RASA3: variants seen among roughly 807,000 people sequenced by gnomAD.
The protein encoded by RASA3 is RAS p21 protein activator 3, also known as ras GTPase-activating protein 3.
A neutral mutation model predicts 110.0 loss-of-function variants in RASA3; 73 were observed. That is an observed-to-expected ratio of 0.66 (90% CI 0.55 to 0.81). The LOEUF (loss-of-function observed/expected upper bound fraction) is 0.81, where lower values mean the gene tolerates loss of function less well. Among genes scored for constraint, RASA3 ranks in the 30% least tolerant of loss-of-function variants. The pLI is 0.00. For missense variants in RASA3, 976 were observed against 1,113.2 expected, an observed-to-expected ratio of 0.88 and a Z score of 1.75; for synonymous variants, 500 against 451.4, an observed-to-expected ratio of 1.11 and a Z score of -1.37.
intron 2 of RASA3, among the ~76,000 whole-genome samples, chr13:114,073,484 C>T (rs978104632): frequency 7.2e-6 from 1 of 138,618 alleles, no homozygotes; most frequent in South Asian, 2.5e-4. Flanking sequence ...ATGCTTGGGA[C>T]ACTGTCTACA....
intron 4 of RASA3, among the ~76,000 whole-genome samples, chr13:114,033,714 G>C (rs1239547580): frequency 6.6e-6 from 1 of 152,238 alleles, no homozygotes; most frequent in Admixed American, 6.5e-5. Flanking sequence ...GCGCTCACAG[G>C]GGGAATGGAA....
chr13:114,040,936 G>A, intron 4 of RASA3, 64 bp downstream of exon 4: 1 of 1,484,824 alleles, frequency 6.7e-7, no homozygotes, highest in Non-Finnish European at 9.4e-7. Flanking sequence ...TCGGAGCCGG[G>A]CCCGTCTCGA....
intron 2 of RASA3, among the ~76,000 whole-genome samples, chr13:114,060,937 C>T (rs35701910): frequency 0.014 from 2,187 of 151,830 alleles, 131 homozygotes; most frequent in Admixed American, 0.1. Context: ...CCCCCACAGC[C>T]GGCAGACGGA....
intron 14 of RASA3, among the ~76,000 whole-genome samples, chr13:114,013,978 ATC>A (rs1249706791): frequency 1.9e-4 from 8 of 41,756 alleles, no homozygotes; most frequent in Admixed American, 7.2e-4. Flanking sequence ...CTCCGTCTCG[ATC>A]TCTCTCTCCA....
At chr13:114,044,615 A>G (rs773228609) in intron 3 of RASA3, among the ~76,000 whole-genome samples, 33 of 140,958 alleles carry the variant, frequency 2.3e-4, no homozygotes, top group African/African-American at 8.4e-4. Flanking sequence ...CTCTCCTCTG[A>G]CGACCGCTGC....
At chr13:114,098,172 A>G (rs559302637) in intron 1 of RASA3, among the ~76,000 whole-genome samples, 4 of 152,272 alleles carry the variant, frequency 2.6e-5, no homozygotes, top group Admixed American at 2.0e-4. Context: ...GACACAGCAC[A>G]CAGGGCTACA....
At position 114,083,178 on chromosome 13, in the gene RASA3, C is replaced by T. The variant is rs534377887; in HGVS notation, c.56-9341G>A. ...AATGTCACAAGCAACTTTGTTGAAT[C>T]AGGTGAAGTTTTAAATGCCAGAAAA... On this transcript the variant is annotated intron_variant, in intron 1 of 23. Transcript: ENST00000334062. Among the ~76,000 whole-genome samples, 34 of 152,366 alleles carry T rather than the reference C, an allele frequency of 2.2e-4. No individual in the cohort carries two copies. In the South Asian group the frequency reaches 6.4e-3, roughly 29 times the overall value.
chr13:114,044,805 G>C (rs1034475010), intron 3 of RASA3, among the ~76,000 whole-genome samples: 2 of 151,996 alleles, frequency 1.3e-5, no homozygotes, highest in African/African-American at 4.8e-5. Flanking sequence ...GGTCAGTTTT[G>C]AAGTCTGAAG....
intron 1 of RASA3, among the ~76,000 whole-genome samples, chr13:114,076,690 T>C (rs540742736): frequency 6.6e-6 from 1 of 152,236 alleles, no homozygotes; most frequent in South Asian, 2.1e-4. Context: ...GGGATGGCAG[T>C]TGAGGTTCCC....
At chr13:114,071,260 G>C (rs2079568692) in intron 2 of RASA3, among the ~76,000 whole-genome samples, 1 of 152,168 alleles carries the variant, frequency 6.6e-6, no homozygotes, top group Admixed American at 6.5e-5. Flanking sequence ...TGGGATTACA[G>C]GTGTGAGCCA....
intron 2 of RASA3, among the ~76,000 whole-genome samples, chr13:114,058,274 G>A (rs2079279119): frequency 6.6e-6 from 1 of 151,996 alleles, no homozygotes; most frequent in Non-Finnish European, 1.5e-5. Context: ...TCCAGGTGCT[G>A]CTGCTGCGGC....
chr13:114,076,590 G>A (rs573330777), intron 1 of RASA3, among the ~76,000 whole-genome samples: 2 of 151,372 alleles, frequency 1.3e-5, no homozygotes, highest in South Asian at 2.1e-4. Flanking sequence ...ACACACACGC[G>A]GCACACGCAG....
In RASA3 at chr13:114,013,924, G is replaced by GCC. The variant is rs2053722734; in HGVS notation, c.1406-677_1406-676insGG. On this transcript the variant is annotated intron_variant, in intron 14 of 23. Transcript: ENST00000334062. ...TCTCTTTCTCTGTCTCTCTCTCTCCGTCTCTCTCTCCCTGTCTCTATCTCT... is the reference window on the plus strand; with the variant it reads ...TCTCTTTCTCTGTCTCTCTCTCTCCGCCTCTCTCTCTCCCTGTCTCTATCTCT... 2.2e-4 allele frequency among the ~76,000 whole-genome samples: 20 copies of GCC among 90,678 alleles called. 1 individual carries two copies. Among genetic ancestry groups the GCC allele is most frequent in the African/African-American group, 1.0e-3 (20 of 19,904 alleles). The allele number at this position is 90,678 out of a possible 152,430, so 59.5% of individuals were successfully genotyped here. A position where few individuals can be genotyped will look rare whatever the true frequency, so the allele number is the denominator to read the frequency against.
rs2079238993 is a variant in RASA3, at chr13:114,056,017, C to A, written c.174-3862G>T. ...GCACAAACTCCAGCAGCCGGCTTGTCAGGAAGCTGCAGCAGCTTCAGAGCA... is the reference window on the plus strand; with the variant it reads ...GCACAAACTCCAGCAGCCGGCTTGTAAGGAAGCTGCAGCAGCTTCAGAGCA... On this transcript the variant is annotated intron_variant, in intron 2 of 23. Coordinates refer to ENST00000334062, the MANE Select transcript of RASA3 (RefSeq NM_007368.4). This position sits in a 1 kb window ranked among gnomAD's most constrained non-coding sequence, Gnocchi z 5.7. 6.6e-6 allele frequency among the ~76,000 whole-genome samples: 1 copy of A among 152,342 alleles called. No homozygotes were observed.
intron 20 of RASA3, 101 bp downstream of exon 20, chr13:113,999,484 T>A (rs897171473): frequency 8.0e-6 from 7 of 879,172 alleles, no homozygotes. Flanking sequence ...TGGAGTGCAG[T>A]GGGTGGGGAA....
At chr13:114,016,078 G>A (rs544809802) in intron 13 of RASA3, 119 bp downstream of exon 13, 8 of 834,564 alleles carry the variant, frequency 9.6e-6, no homozygotes, top group Middle Eastern at 2.5e-4. Flanking sequence ...GTATCCCCAC[G>A]CCTGGTCCTG....
chr13:114,018,328 G>A lies in RASA3; in HGVS notation c.943-76C>T, dbSNP rs1374817951. 7.3e-5 allele frequency: 107 copies of A among 1,466,670 alleles called. No homozygotes were observed. The East Asian group carries it at 2.4e-3, about 33-fold the overall frequency. The allele number at this position is 1,466,670 out of a possible 1,614,324, so 90.9% of individuals were successfully genotyped here. A position where few individuals can be genotyped will look rare whatever the true frequency, so the allele number is the denominator to read the frequency against. Reference sequence around the variant, plus strand: ...GAGGCCTGTCCCCACCTTGGCTGGGGTCTCACTTCCAGCCACAATAGATAC... The same window carrying A: ...GAGGCCTGTCCCCACCTTGGCTGGGATCTCACTTCCAGCCACAATAGATAC... On this transcript the variant is annotated intron_variant, in intron 10 of 23. Coordinates refer to ENST00000334062, the MANE Select transcript of RASA3 (RefSeq NM_007368.4).
chr13:114,011,222 T>A lies in RASA3; in HGVS notation c.1539A>T (p.Thr513=). 6.2e-7 allele frequency: 1 copy of A among 1,612,782 alleles called. No homozygotes were observed. ...GGGTCTGAACGGTCTTGGAGATCAA[T>A]GTCAGCGTCCTGGACGTCTGGGGGT... ...HTDPQTSRTL[T]LISKTVQTLG... is the part of the protein sequence containing the mutation. Residue 513 remains threonine, a synonymous_variant, in exon 16 of 24, where the codon ACA becomes ACT. Transcript: ENST00000334062. This position sits in a 1 kb window ranked among gnomAD's most constrained non-coding sequence, Gnocchi z 4.8.
intron 2 of RASA3, among the ~76,000 whole-genome samples, chr13:114,052,879 T>C (rs1456437129): frequency 7.4e-6 from 1 of 135,110 alleles, no homozygotes; most frequent in African/African-American, 2.8e-5. Context: ...AGACCCCCGC[T>C]GCTGACTGTG....
Sources: gnomAD v4.1 joint callset for allele counts (sites outside exome capture counted in the v4.1 genomes callset) on GRCh38, gnomAD v4.1.1 for gene constraint, Gnocchi (gnomAD v3.1) non-coding constraint, MANE v1.5 for transcripts, NCBI Gene and HGNC (gene_info 2026-07-23, HGNC 2026-07-21) for gene names.